DYNC2LI1: variants seen among roughly 807,000 people sequenced by gnomAD.
DYNC2LI1 encodes cytoplasmic dynein 2 light intermediate chain 1.
A neutral mutation model predicts 51.9 loss-of-function variants in DYNC2LI1; 45 were observed. That is an observed-to-expected ratio of 0.87 (90% CI 0.68 to 1.11). The LOEUF is 1.11. Among genes scored for constraint, DYNC2LI1 ranks in the 50% most tolerant of loss-of-function variants. The pLI is 0.00. For missense variants in DYNC2LI1, 490 were observed against 417.4 expected (o/e 1.17, Z -1.51); for synonymous variants, 130 against 137.8 (o/e 0.94, Z 0.40).
At chr2:43,816,568 G>A in the DYNC2LI1 span, among the ~76,000 whole-genome samples, 1 of 152,088 alleles carries the variant, frequency 6.6e-6, no homozygotes, top group Non-Finnish European at 1.5e-5. Flanking sequence ...TTTTTGAACG[G>A]AGTCTTGTTC....
chr2:43,781,886 G>C (rs1673304484), intron 2 of DYNC2LI1: 1 of 152,124 alleles, frequency 6.6e-6, no homozygotes, highest in African/African-American at 2.4e-5. Context: ...ACAGGCGTGA[G>C]CCACCATGCC....
Position 43,800,487 on chromosome 2 carries a change from G to C in DYNC2LI1, c.655-354G>C, listed in dbSNP as rs182223978. On this transcript the variant is annotated intron_variant, in intron 8 of 12. Coordinates refer to ENST00000260605, the MANE Select transcript of DYNC2LI1 (RefSeq NM_016008.4). ...CTGCATTTTGGAAAATTTTCTTTTAGACCATAATGAGTATGTTTACACACA... is the reference window on the plus strand; with the variant it reads ...CTGCATTTTGGAAAATTTTCTTTTACACCATAATGAGTATGTTTACACACA... Among the ~76,000 whole-genome samples the C allele has an allele frequency of 1.2e-3, 190 of 152,074 alleles. 1 individual carries two copies. Among genetic ancestry groups the C allele is most frequent in the Non-Finnish European group, 2.5e-3 (168 of 67,972 alleles).
In DYNC2LI1 at chr2:43,801,820, T is replaced by C. The variant is rs1215072197; in HGVS notation, c.802+111T>C. The C allele has an allele frequency of 4.2e-6, 3 of 720,858 alleles. No individual in the cohort carries two copies. In the East Asian group the frequency reaches 8.5e-5, roughly 20 times the overall value. The allele number at this position is 720,858 out of a possible 1,614,324, so 44.7% of individuals were successfully genotyped here. ...ACTCCTATTTCTGGTTTCATTATCA[T>C]TGCTGTTATTTCCTGTGTGTTTGTT... On this transcript the variant is annotated intron_variant, in intron 10 of 12. Coordinates refer to ENST00000260605, the MANE Select transcript of DYNC2LI1 (RefSeq NM_016008.4).
At chr2:43,795,405 G>A (rs1484682604) in intron 6 of DYNC2LI1, among the ~76,000 whole-genome samples, 1 of 152,108 alleles carries the variant, frequency 6.6e-6, no homozygotes, top group Non-Finnish European at 1.5e-5. Context: ...TTGGGAGGCT[G>A]AGGCAGGAGA....
chr2:43,810,304 G>A (rs1039178496), downstream of DYNC2LI1: 4 of 948,060 alleles, frequency 4.2e-6, no homozygotes, highest in African/African-American at 7.1e-5. Flanking sequence ...CTGGAATGGG[G>A]CATTTTTAAT....
chr2:43,825,395 A>G, the DYNC2LI1 span, among the ~76,000 whole-genome samples: 1 of 152,054 alleles, frequency 6.6e-6, no homozygotes, highest in African/African-American at 2.4e-5. Context: ...TTTTGTTTTC[A>G]TTTTAAATCT....
intron 8 of DYNC2LI1, among the ~76,000 whole-genome samples, chr2:43,797,445 C>T (rs936782870): frequency 6.6e-6 from 1 of 151,106 alleles, no homozygotes. Flanking sequence ...TATTATATCA[C>T]TGTTATCATT....
chr2:43,821,856 A>G, the DYNC2LI1 span, among the ~76,000 whole-genome samples: 1 of 150,386 alleles, frequency 6.6e-6, no homozygotes, highest in African/African-American at 2.5e-5. Flanking sequence ...CATCATCTCT[A>G]TTTTTCATTC....
the DYNC2LI1 span, chr2:43,820,200 G>A: frequency 7.0e-7 from 1 of 1,433,536 alleles, no homozygotes; most frequent in Non-Finnish European, 9.6e-7. Flanking sequence ...GTGAGTGGGT[G>A]GGAGAAGTTT....
chr2:43,778,611 C>T (rs1417750032), intron 2 of DYNC2LI1, among the ~76,000 whole-genome samples: 1 of 152,164 alleles, frequency 6.6e-6, no homozygotes, highest in Non-Finnish European at 1.5e-5. Flanking sequence ...GGTACAAATA[C>T]ATTTCTATTA....
At chr2:43,811,171 C>G (rs1666467857), downstream of DYNC2LI1, among the ~76,000 whole-genome samples, 1 of 152,152 alleles carries the variant, frequency 6.6e-6, no homozygotes, top group African/African-American at 2.4e-5. Flanking sequence ...GTGGGACTCT[C>G]TTTGAACTAC....
the DYNC2LI1 span, chr2:43,820,027 C>G: frequency 6.2e-7 from 1 of 1,614,112 alleles, no homozygotes; most frequent in Non-Finnish European, 8.5e-7. Flanking sequence ...AGAAATTCAC[C>G]AATTAAGTGG....
chr2:43,813,237 G>C, downstream of DYNC2LI1: 1 of 1,613,884 alleles, frequency 6.2e-7, no homozygotes. Flanking sequence ...ACCTGGGCAG[G>C]TTTTCTCAAT....
chr2:43,813,464 G>T (rs1666593571), downstream of DYNC2LI1, among the ~76,000 whole-genome samples: 1 of 152,136 alleles, frequency 6.6e-6, no homozygotes, highest in African/African-American at 2.4e-5. Flanking sequence ...AGAGTGAGCA[G>T]TTCTGGCCTT....
chr2:43,782,382 CTA>C (rs2104668467), intron 2 of DYNC2LI1, among the ~76,000 whole-genome samples: 1 of 151,586 alleles, frequency 6.6e-6, no homozygotes, highest in South Asian at 2.1e-4. Flanking sequence ...TTGTCAAAAA[CTA>C]TAGGTTTTTT....
At chr2:43,778,302 G>A (rs1232945115) in intron 2 of DYNC2LI1, among the ~76,000 whole-genome samples, 7 of 152,002 alleles carry the variant, frequency 4.6e-5, no homozygotes, top group Admixed American at 6.6e-5. Flanking sequence ...ACAGGCATGC[G>A]CCACCACACC....
chr2:43,786,344 A>G (rs1212556264), intron 3 of DYNC2LI1, among the ~76,000 whole-genome samples: 2 of 151,992 alleles, frequency 1.3e-5, no homozygotes, highest in Non-Finnish European at 2.9e-5. Flanking sequence ...GACTACAGAC[A>G]TGTGCTACCT....
intron 1 of DYNC2LI1, among the ~76,000 whole-genome samples, chr2:43,775,499 G>GT (rs911285494): frequency 1.0e-4 from 15 of 148,452 alleles, no homozygotes; most frequent in South Asian, 4.3e-4. Flanking sequence ...TTTCTTTATG[G>GT]TTTTTTTTTG....
At chr2:43,795,117 A>G in intron 6 of DYNC2LI1, 1 of 997,124 alleles carries the variant, frequency 1.0e-6, no homozygotes, top group Non-Finnish European at 1.2e-6. Context: ...ATTAAATTAT[A>G]AAGTTGCTAT....
Sources: allele counts gnomAD v4.1 joint callset (sites outside exome capture counted in the v4.1 genomes callset), GRCh38; gene constraint gnomAD v4.1.1; transcripts MANE v1.5; gene names NCBI Gene and HGNC (gene_info 2026-07-23, HGNC 2026-07-21).